The following PTCHD4 variants were observed in gnomAD, a reference collection of about 807,000 sequenced individuals.
PTCHD4 encodes patched domain containing 4.
Under a neutral mutation model 58.1 loss-of-function variants are expected in PTCHD4, and 33 were observed. The ratio of observed to expected loss-of-function variants is 0.57; its 90% confidence interval spans 0.43 to 0.76. The LOEUF (loss-of-function observed/expected upper bound fraction) is 0.76. Among genes scored for constraint, PTCHD4 ranks in the 30% least tolerant of loss-of-function variants. The pLI is 0.00. For missense variants in PTCHD4, 1,058 were observed against 1,027.1 expected (o/e 1.03, Z -0.41); for synonymous variants, 478 against 409.6 (o/e 1.17, Z -2.02).
intron 4 of PTCHD4, among the ~76,000 whole-genome samples, chr6:47,912,461 A>G (rs1765100070): frequency 6.6e-6 from 1 of 152,112 alleles, no homozygotes; most frequent in Non-Finnish European, 1.5e-5. Context: ...ATCCTTGACC[A>G]TTGCGTCCCC....
chr6:47,890,865 G>A (rs747198689), intron 4 of PTCHD4: 220 of 981,752 alleles, frequency 2.2e-4, no homozygotes, highest in Non-Finnish European at 2.5e-4. Flanking sequence ...CCACTATCAG[G>A]AAGTTTTCAA....
At chr6:48,030,329 T>C (rs1763391230) in intron 3 of PTCHD4, among the ~76,000 whole-genome samples, 1 of 152,074 alleles carries the variant, frequency 6.6e-6, no homozygotes, top group Non-Finnish European at 1.5e-5. Context: ...CTTTTGAGGG[T>C]ATTAAATTTT....
At position 48,015,559 on chromosome 6, in the gene PTCHD4, G is replaced by C. The variant is rs374326701; in HGVS notation, c.418-6445C>G. The stretch of plus-strand genomic sequence containing the variant: ...GATCATTGCATCAGCTGTTCCCTCT[G>C]CCTGAAATGCTTTCTTCTGCCAAGA... On this transcript the variant is annotated intron_variant, in intron 3 of 4. Coordinates refer to ENST00000339488, the MANE Select transcript of PTCHD4 (RefSeq NM_001384253.1). Among the ~76,000 whole-genome samples, 198 of 151,804 alleles carry C rather than the reference G, an allele frequency of 1.3e-3. 3 individuals carry two copies. The South Asian group carries it at 0.039, about 30-fold the overall frequency.
intron 4 of PTCHD4, among the ~76,000 whole-genome samples, chr6:47,909,474 T>G (rs544623804): frequency 3.9e-5 from 6 of 152,232 alleles, no homozygotes; most frequent in African/African-American, 1.4e-4. Context: ...CTTATTAATA[T>G]TCAATAAAAA....
At chr6:48,020,474 G>T (rs1437171785) in intron 3 of PTCHD4, among the ~76,000 whole-genome samples, 1 of 151,650 alleles carries the variant, frequency 6.6e-6, no homozygotes, top group African/African-American at 2.4e-5. Flanking sequence ...CAAATATTAG[G>T]TTGCTGCAAA....
intron 1 of PTCHD4, among the ~76,000 whole-genome samples, chr6:48,085,348 T>C (rs1765242741): frequency 6.6e-6 from 1 of 152,240 alleles, no homozygotes; most frequent in Non-Finnish European, 1.5e-5. Context: ...CAGGTCATGC[T>C]TAATTAGTGT....
chr6:47,876,811 C>T lies in PTCHD4; in HGVS notation c.*1492G>A, dbSNP rs1416669645. Reference sequence around the variant, plus strand: ...GCACAGCAATAGTCCAAGTAAGCACCCAACAGGTGCTTGGGAGTAGTTTTA... The same window carrying T: ...GCACAGCAATAGTCCAAGTAAGCACTCAACAGGTGCTTGGGAGTAGTTTTA... On this transcript the variant is annotated 3_prime_UTR_variant, in exon 5 of 5. Transcript: ENST00000339488. Among the ~76,000 whole-genome samples, 1 of 151,918 alleles carries T rather than the reference C, an allele frequency of 6.6e-6. No homozygotes were observed. Among genetic ancestry groups the T allele is most frequent in the Non-Finnish European group, 1.5e-5 (1 of 67,932 alleles).
At chr6:48,079,901 C>T (rs552520701) in intron 1 of PTCHD4, among the ~76,000 whole-genome samples, 31 of 150,034 alleles carry the variant, frequency 2.1e-4, no homozygotes, top group South Asian at 1.3e-3. Flanking sequence ...GAATTTATAG[C>T]CAATTTGGGA....
intron 4 of PTCHD4, chr6:47,900,108 T>C (rs745797052): frequency 6.6e-6 from 1 of 152,236 alleles, no homozygotes; most frequent in Admixed American, 6.5e-5. Flanking sequence ...TACAGTTTTG[T>C]GTGGATAAAT....
intron 4 of PTCHD4, 141 bp downstream of exon 4, chr6:48,008,493 C>A (rs1188584679): frequency 1.4e-5 from 14 of 977,620 alleles, no homozygotes; most frequent in Non-Finnish European, 1.9e-5. Flanking sequence ...GTGAAACAGA[C>A]ACAACCCCAA....
chr6:48,081,586 TTATA>T (rs1236408629), intron 1 of PTCHD4, among the ~76,000 whole-genome samples: 1 of 152,162 alleles, frequency 6.6e-6, no homozygotes, highest in African/African-American at 2.4e-5. Context: ...AGTATGCATA[TTATA>T]TAAAGTTATA....
At chr6:48,033,198 A>G (rs1250589985) in intron 3 of PTCHD4, among the ~76,000 whole-genome samples, 4 of 152,144 alleles carry the variant, frequency 2.6e-5, no homozygotes, top group Non-Finnish European at 5.9e-5. Context: ...TCCTTCCAGT[A>G]TCATGGGAAA....
intron 3 of PTCHD4, among the ~76,000 whole-genome samples, chr6:48,012,221 T>C (rs1029926082): frequency 6.6e-6 from 1 of 152,208 alleles, no homozygotes; most frequent in African/African-American, 2.4e-5. Context: ...TGTTTTTCTA[T>C]TTGTTTGTGT....
rs1763653923 is a variant in PTCHD4 at position 47,869,186 on chromosome 6, T to C, written c.*9117A>G. ...CATCAAAATACAGTGGACTTGGATA[T>C]TGAAATATTTAACATGATTGGTTTT... On this transcript the variant is annotated 3_prime_UTR_variant, in exon 5 of 5. Coordinates refer to ENST00000339488, the MANE Select transcript of PTCHD4 (RefSeq NM_001384253.1). Among the ~76,000 whole-genome samples, 1 of 151,754 alleles carries C rather than the reference T, an allele frequency of 6.6e-6. No homozygotes were observed. Among genetic ancestry groups the C allele is most frequent in the Non-Finnish European group, 1.5e-5 (1 of 67,802 alleles).
At chr6:47,970,496 GAGA>G (rs1387458625) in intron 4 of PTCHD4, among the ~76,000 whole-genome samples, 1 of 152,158 alleles carries the variant, frequency 6.6e-6, no homozygotes, top group African/African-American at 2.4e-5. Context: ...AGGCTTGCCT[GAGA>G]AGACCAGGCC....
intron 4 of PTCHD4, among the ~76,000 whole-genome samples, chr6:47,991,626 A>T (rs949278368): frequency 1.3e-5 from 2 of 149,194 alleles, no homozygotes; most frequent in African/African-American, 2.4e-5. Context: ...AATGAAGTTT[A>T]AAAAAAAAAC....
In PTCHD4 at chr6:48,009,122, A is replaced by G. The variant is rs1254932189; in HGVS notation, c.418-8T>C. On this transcript the variant is annotated splice_region_variant and splice_polypyrimidine_tract_variant and intron_variant, in intron 3 of 4. Coordinates refer to ENST00000339488, the MANE Select transcript of PTCHD4 (RefSeq NM_001384253.1). ...AAAACTGTTCCTCCCATCCTTGAAA[A>G]CAGAAAAAGAAGAGACTTCAGTTAC... 6.3e-7 allele frequency: 1 copy of G among 1,589,918 alleles called. No homozygotes were observed. Among genetic ancestry groups the G allele is most frequent in the Non-Finnish European group, 8.6e-7 (1 of 1,168,482 alleles).
chr6:48,059,884 T>A (rs2113866940), intron 3 of PTCHD4, among the ~76,000 whole-genome samples: 1 of 152,262 alleles, frequency 6.6e-6, no homozygotes, highest in African/African-American at 2.4e-5. Context: ...AACCCACCCC[T>A]GTGTGTTAAC....
At chr6:48,108,726 C>A (rs1379201371) in intron 1 of PTCHD4, among the ~76,000 whole-genome samples, 1 of 151,802 alleles carries the variant, frequency 6.6e-6, no homozygotes, top group Non-Finnish European at 1.5e-5. Context: ...ATAGATTAAA[C>A]CTTTAATTAG....
Sources: allele counts gnomAD v4.1 joint callset (sites outside exome capture counted in the v4.1 genomes callset), GRCh38; gene constraint gnomAD v4.1.1; transcripts MANE v1.5; gene names NCBI Gene and HGNC (gene_info 2026-07-23, HGNC 2026-07-21).